HNF4G: variants seen among roughly 807,000 people sequenced by gnomAD.
HNF4G encodes the protein hepatocyte nuclear factor 4 gamma.
HNF4G carries 21 observed loss-of-function variants against 50.9 expected under a neutral mutation model. The ratio of observed to expected loss-of-function variants is 0.41; its 90% confidence interval spans 0.29 to 0.59. The LOEUF is 0.59. Among genes scored for constraint, HNF4G ranks in the 20% least tolerant of loss-of-function variants. The pLI is 0.26. For synonymous variants in HNF4G, 198 were observed against 185.6 expected, an observed-to-expected ratio of 1.07 and a Z score of -0.54; for missense variants, 527 against 559.4, an observed-to-expected ratio of 0.94 and a Z score of 0.58.
intron 1 of HNF4G, among the ~76,000 whole-genome samples, chr8:75,411,296 T>C (rs1481269055): frequency 6.6e-6 from 1 of 152,240 alleles, no homozygotes; most frequent in African/African-American, 2.4e-5. Flanking sequence ...CCTTTGTTCT[T>C]GGCTGAATAT....
Position 75,564,916 on chromosome 8 carries a change from C to G in HNF4G, c.*820C>G, listed in dbSNP as rs1807418334. 6.6e-6 allele frequency: 1 copy of G among 152,086 alleles called. No homozygotes were observed. The highest frequency in any genetic ancestry group is 2.1e-4 in the South Asian group (1 of 4,818). The allele number at this position is 152,086 out of a possible 1,614,324, so 9.4% of individuals were successfully genotyped here. A position where few individuals can be genotyped will look rare whatever the true frequency, so the allele number is the denominator to read the frequency against. ...TGCCCACAGCTGGCTCCCACGGTAG[C>G]CAGGAGAATTATCTATAGGTGGAAA... On this transcript the variant is annotated 3_prime_UTR_variant, in exon 10 of 10. Transcript: ENST00000396423.
chr8:75,514,329 C>CT (rs985841493), intron 2 of HNF4G, among the ~76,000 whole-genome samples: 2 of 135,556 alleles, frequency 1.5e-5, no homozygotes, highest in African/African-American at 2.7e-5. Context: ...TTTTCTTTTT[C>CT]TTTTTTTTCC....
At chr8:75,450,424 C>T (rs1052134510) in intron 1 of HNF4G, among the ~76,000 whole-genome samples, 1 of 152,108 alleles carries the variant, frequency 6.6e-6, no homozygotes, top group Non-Finnish European at 1.5e-5. Context: ...CTGCAACATA[C>T]TGATTTCATA....
intron 1 of HNF4G, among the ~76,000 whole-genome samples, chr8:75,463,418 A>G (rs996344305): frequency 7.2e-5 from 11 of 152,118 alleles, no homozygotes; most frequent in Non-Finnish European, 1.6e-4. Context: ...ATAATTCTTG[A>G]TCACATGCTT....
intron 5 of HNF4G, among the ~76,000 whole-genome samples, chr8:75,554,434 C>T (rs1585952871): frequency 6.6e-6 from 1 of 152,072 alleles, no homozygotes; most frequent in Non-Finnish European, 1.5e-5. Context: ...TATTAATTAG[C>T]CACAAATTAG....
At chr8:75,430,756 A>T (rs1810997682) in intron 1 of HNF4G, among the ~76,000 whole-genome samples, 1 of 152,308 alleles carries the variant, frequency 6.6e-6, no homozygotes, top group East Asian at 1.9e-4. Flanking sequence ...AGCACTTTAA[A>T]TAAAGGTCCC....
At chr8:75,487,353 T>C (rs1461664619) in intron 1 of HNF4G, among the ~76,000 whole-genome samples, 1 of 152,210 alleles carries the variant, frequency 6.6e-6, no homozygotes, top group African/African-American at 2.4e-5. Context: ...ATTTGATCTT[T>C]TATATTTGTT....
chr8:75,418,260 G>A (rs1425922441), intron 1 of HNF4G, among the ~76,000 whole-genome samples: 3 of 152,016 alleles, frequency 2.0e-5, no homozygotes, highest in Non-Finnish European at 2.9e-5. Flanking sequence ...TATTGTATGA[G>A]GGCCCACCAA....
At chr8:75,548,315 A>G (rs537862687) in intron 3 of HNF4G, among the ~76,000 whole-genome samples, 190 of 152,286 alleles carry the variant, frequency 1.2e-3, no homozygotes, top group Non-Finnish European at 2.2e-3. Flanking sequence ...GTTGTTCTCA[A>G]TAACAACTGA....
At chr8:75,534,963 T>C (rs1385784870), upstream of HNF4G, among the ~76,000 whole-genome samples, 1 of 140,224 alleles carries the variant, frequency 7.1e-6, no homozygotes, top group Non-Finnish European at 1.5e-5. Flanking sequence ...AAAAATAATA[T>C]CAAAATTAGA....
intron 9 of HNF4G, among the ~76,000 whole-genome samples, chr8:75,563,430 CAAA>C (rs5892499): frequency 2.8e-5 from 4 of 144,568 alleles, no homozygotes; most frequent in Admixed American, 7.0e-5. Context: ...AATTTTGAAG[CAAA>C]AAAAAAAAAG....
rs548627344 is a variant in HNF4G at position 75,451,396 on chromosome 8, CA to C, written c.-143-38682del. On this transcript the variant is annotated intron_variant, in intron 1 of 10. Coordinates refer to the HNF4G transcript ENST00000354370. ...TTACCTGTGCTTTTATAGCCATATCCAAAAAAAAAAATTATTGCCCAGAGAA... is the reference window on the plus strand; with the variant it reads ...TTACCTGTGCTTTTATAGCCATATCCAAAAAAAAAATTATTGCCCAGAGAA... 8.7e-3 allele frequency among the ~76,000 whole-genome samples: 1,277 copies of C among 146,222 alleles called. 15 individuals are homozygous for C. Among genetic ancestry groups the C allele is most frequent in the African/African-American group, 0.029 (1,177 of 40,226 alleles).
At chr8:75,455,235 C>A (rs758842967) in intron 1 of HNF4G, among the ~76,000 whole-genome samples, 38 of 152,188 alleles carry the variant, frequency 2.5e-4, no homozygotes, top group Middle Eastern at 3.4e-3. Flanking sequence ...TTTGTAAAAA[C>A]AAAATGTAGT....
intron 1 of HNF4G, among the ~76,000 whole-genome samples, chr8:75,425,700 T>G (rs1327311332): frequency 6.6e-6 from 1 of 151,506 alleles, no homozygotes; most frequent in Non-Finnish European, 1.5e-5. Flanking sequence ...CAGGCAAAGA[T>G]TAATTTCGCC....
intron 1 of HNF4G, among the ~76,000 whole-genome samples, chr8:75,468,386 T>A (rs1299454846): frequency 1.3e-5 from 2 of 152,102 alleles, no homozygotes; most frequent in Non-Finnish European, 2.9e-5. Context: ...ATTTAATGAA[T>A]TAAAAGGTCA....
intron 1 of HNF4G, among the ~76,000 whole-genome samples, chr8:75,477,594 G>C (rs1486440795): frequency 6.6e-6 from 1 of 151,974 alleles, no homozygotes; most frequent in East Asian, 1.9e-4. Context: ...TAAAAATTCA[G>C]TTCTTGTTTT....
Position 75,558,509 on chromosome 8 carries a change from C to G in HNF4G, c.734-9C>G. 1.9e-6 allele frequency: 3 copies of G among 1,601,440 alleles called. No homozygotes were observed. The highest frequency in any genetic ancestry group is 2.6e-6 in the Non-Finnish European group (3 of 1,176,420). On this transcript the variant is annotated splice_polypyrimidine_tract_variant and intron_variant, in intron 6 of 9. Transcript: ENST00000396423. ...TTTGTTTTGTTTTGTTTTGTTTTCTCTCTCATAGGAAACAACTATGTTATT... is the reference window on the plus strand; with the variant it reads ...TTTGTTTTGTTTTGTTTTGTTTTCTGTCTCATAGGAAACAACTATGTTATT...
intron 1 of HNF4G, among the ~76,000 whole-genome samples, chr8:75,470,906 T>G (rs1035064362): frequency 6.6e-6 from 1 of 152,172 alleles, no homozygotes; most frequent in African/African-American, 2.4e-5. Flanking sequence ...CTAGTCTTTC[T>G]TCTTCTTCTT....
chr8:75,481,870 C>T (rs563864643), intron 1 of HNF4G, among the ~76,000 whole-genome samples: 1 of 152,202 alleles, frequency 6.6e-6, no homozygotes, highest in African/African-American at 2.4e-5. Flanking sequence ...CACTTGTATA[C>T]ACCTCTGGAC....
Sources: allele counts gnomAD v4.1 joint callset (sites outside exome capture counted in the v4.1 genomes callset), GRCh38; gene constraint gnomAD v4.1.1; transcripts MANE v1.5; gene names NCBI Gene and HGNC (gene_info 2026-07-23, HGNC 2026-07-21).